The following IPO5 variants were observed in gnomAD, a reference collection of about 807,000 sequenced individuals.
The protein encoded by IPO5 is importin-5.
In IPO5, 18 loss-of-function variants were observed where a neutral mutation model predicts 143.3. The observed-to-expected ratio is 0.13, with a 90% CI of 0.09 to 0.19. The LOEUF (loss-of-function observed/expected upper bound fraction) is 0.19. Among genes scored for constraint, IPO5 ranks in the 10% least tolerant of loss-of-function variants. IPO5 has a pLI of 1.00. For synonymous variants in IPO5, 477 were observed against 465.7 expected, an observed-to-expected ratio of 1.02 and a Z score of -0.31; for missense variants, 1,013 against 1,336.9, an observed-to-expected ratio of 0.76 and a Z score of 3.78.
chr13:97,992,335 A>G (rs1887873295), intron 9 of IPO5, among the ~76,000 whole-genome samples: 1 of 152,244 alleles, frequency 6.6e-6, no homozygotes, highest in South Asian at 2.1e-4. Context: ...GATAAATAAA[A>G]TGGGTAATAT....
chr13:98,002,717 G>A lies in IPO5; in HGVS notation c.1267G>A (p.Val423Met), dbSNP rs746928273. Residue 423 changes from valine to methionine, a missense_variant, in exon 15 of 29, where the codon GTG becomes ATG. By Grantham distance (21) the Val-to-Met change is conservative (BLOSUM62 1). Coordinates refer to ENST00000651721, the MANE Select transcript of IPO5 (RefSeq NM_002271.6). ...AGTAAGGTATGCAGCCTGTAATGCCGTGGGACAGATGGCTACAGATTTTGC... is the reference window on the plus strand; with the variant it reads ...AGTAAGGTATGCAGCCTGTAATGCCATGGGACAGATGGCTACAGATTTTGC... The part of the protein sequence containing the change: ...PRVRYAACNA[V>M]GQMATDFAPG... The A allele has an allele frequency of 1.7e-5, 27 of 1,612,518 alleles. No homozygotes were observed. The highest frequency in any genetic ancestry group is 1.3e-4 in the Admixed American group (8 of 59,618).
At chr13:97,991,478 A>G (rs978156913) in intron 9 of IPO5, among the ~76,000 whole-genome samples, 4 of 152,362 alleles carry the variant, frequency 2.6e-5, no homozygotes, top group Middle Eastern at 3.4e-3. Context: ...AAAGCAAAGT[A>G]GAGGTTGAGT....
intron 2 of IPO5, among the ~76,000 whole-genome samples, chr13:97,962,575 G>C (rs536986177): frequency 6.6e-6 from 1 of 152,246 alleles, no homozygotes; most frequent in African/African-American, 2.4e-5. Flanking sequence ...CCAGCACTTT[G>C]GGGGGCCCAG....
At chr13:98,007,413 A>G (rs959909926) in intron 17 of IPO5, 4 of 152,268 alleles carry the variant, frequency 2.6e-5, no homozygotes, top group East Asian at 1.9e-4. Context: ...TTCTCAGCCA[A>G]CATCTCAGAA....
intron 2 of IPO5, among the ~76,000 whole-genome samples, chr13:97,964,773 G>A (rs532292755): frequency 7.9e-5 from 12 of 152,078 alleles, no homozygotes; most frequent in Non-Finnish European, 1.6e-4. Flanking sequence ...CTTATATAGG[G>A]ACAGTGTGGC....
rs1884266340 is a variant in IPO5, at chr13:97,953,685, A to T, written c.-224A>T. 4.2e-6 allele frequency: 1 copy of T among 236,160 alleles called. No homozygotes were observed. The highest frequency in any genetic ancestry group is 2.3e-5 in the African/African-American group (1 of 43,168). 14.6% of individuals were successfully genotyped at this position (236,160 alleles called of 1,614,324 possible). A position where few individuals can be genotyped will look rare whatever the true frequency, so the allele number is the denominator to read the frequency against. ...AACTGTGGGATTGATGACCTCCCAC[A>T]ACTGGAGCAGCCGGGAACAGCTCTG... is the stretch of plus-strand genomic sequence containing the variant. On this transcript the variant is annotated 5_prime_UTR_variant, in exon 1 of 29. Transcript: ENST00000651721.
At chr13:97,961,402 G>A (rs933796425) in intron 2 of IPO5, among the ~76,000 whole-genome samples, 4 of 152,174 alleles carry the variant, frequency 2.6e-5, no homozygotes, top group African/African-American at 9.7e-5. Context: ...CACGATCTCG[G>A]CTCAACGCAA....
chr13:97,978,257 T>C (rs913997227), intron 4 of IPO5, among the ~76,000 whole-genome samples: 1 of 152,226 alleles, frequency 6.6e-6, no homozygotes, highest in Non-Finnish European at 1.5e-5. Flanking sequence ...TTAATGGGCT[T>C]ATAATACTAT....
At position 98,003,043 on chromosome 13, in the gene IPO5, T is replaced by G. The variant is rs546990502; in HGVS notation, c.1497+6T>G. 1.9e-6 allele frequency: 3 copies of G among 1,598,196 alleles called. No homozygotes were observed. In the East Asian group the frequency reaches 6.7e-5, roughly 36 times the overall value. ...TGGTACTGAAGCTTCAAGAGGTAAG[T>G]TTTAAGATCTGTAGGCTGCTTTCTG... On this transcript the variant is annotated splice_donor_region_variant and intron_variant, in intron 16 of 28. Coordinates refer to ENST00000651721, the MANE Select transcript of IPO5 (RefSeq NM_002271.6).
rs765521755 is a variant in IPO5, at chr13:97,969,862, C to A, written c.-5+32C>A. 1.9e-5 allele frequency: 29 copies of A among 1,561,254 alleles called. No individual in the cohort carries two copies. The South Asian group carries it at 3.0e-4, about 16-fold the overall frequency. On this transcript the variant is annotated intron_variant, in intron 3 of 28. Transcript: ENST00000651721. ...GATTTCACCTGGGGAAAAGTCACTT[C>A]CTGTTTTGTTTTTTTTAAAAGAGAC...
chr13:97,991,902 G>A (rs1887833244), intron 9 of IPO5, among the ~76,000 whole-genome samples: 1 of 152,198 alleles, frequency 6.6e-6, no homozygotes, highest in Non-Finnish European at 1.5e-5. Flanking sequence ...TTGTGTCACA[G>A]GTGCAGGACA....
chr13:97,979,737 G>T (rs980230138), intron 4 of IPO5: 3 of 372,394 alleles, frequency 8.1e-6, no homozygotes, highest in Non-Finnish European at 1.1e-5. Context: ...TTGCTGTGTT[G>T]CCCAGGCTGG....
rs1889594076 is a variant in IPO5, at chr13:98,010,354, C to A, written c.2055+130C>A. On this transcript the variant is annotated intron_variant, in intron 20 of 28. Transcript: ENST00000651721. Reference sequence around the variant, plus strand: ...TATGTTCCTTAAAAAGTAAAGTTTTCTTTCCATTTTAAAGAAATCGTATGG... The same window carrying A: ...TATGTTCCTTAAAAAGTAAAGTTTTATTTCCATTTTAAAGAAATCGTATGG... 4.8e-6 allele frequency: 4 copies of A among 838,440 alleles called. No individual in the cohort carries two copies. In the African/African-American group the frequency reaches 5.2e-5, roughly 11 times the overall value. The allele number at this position is 838,440 out of a possible 1,614,324, so 51.9% of individuals were successfully genotyped here.
chr13:97,994,752 A>T (rs562407991), intron 11 of IPO5, among the ~76,000 whole-genome samples: 1 of 152,264 alleles, frequency 6.6e-6, no homozygotes, highest in East Asian at 1.9e-4. Flanking sequence ...TTGACAATGG[A>T]TCGGATGGAA....
chr13:98,001,222 A>AAT lies in IPO5; in HGVS notation c.1108+586_1108+587dup, dbSNP rs1183484635. ...ATATTTCAGTTACCTTTGTACCTGT[A>AAT]ATATATATATCAATCCCAAAGTTTA... On this transcript the variant is annotated intron_variant, in intron 13 of 28. Coordinates refer to ENST00000651721, the MANE Select transcript of IPO5 (RefSeq NM_002271.6). Among the ~76,000 whole-genome samples the AAT allele has an allele frequency of 3.9e-5, 6 of 152,288 alleles. No individual in the cohort carries two copies. The South Asian group carries it at 6.2e-4, about 16-fold the overall frequency.
At position 98,018,715 on chromosome 13, in the gene IPO5, T is replaced by C; in HGVS notation, c.2836+11T>C. The C allele has an allele frequency of 4.4e-6, 7 of 1,598,774 alleles. No homozygotes were observed. The highest frequency in any genetic ancestry group is 6.0e-6 in the Non-Finnish European group (7 of 1,166,244). ...GCCCTTTTTGTACAGGTACGTTTGCTTATTCCGTTACGTGCATTTCATTCC... is the reference window on the plus strand; with the variant it reads ...GCCCTTTTTGTACAGGTACGTTTGCCTATTCCGTTACGTGCATTTCATTCC... On this transcript the variant is annotated intron_variant, in intron 26 of 28. Coordinates refer to ENST00000651721, the MANE Select transcript of IPO5 (RefSeq NM_002271.6).
chr13:97,959,157 G>C (rs1469326472), intron 2 of IPO5, among the ~76,000 whole-genome samples: 1 of 149,418 alleles, frequency 6.7e-6, no homozygotes, highest in Non-Finnish European at 1.5e-5. Flanking sequence ...GGGTGACACA[G>C]CAAGACTGTG....
At position 98,002,559 on chromosome 13, in the gene IPO5, G is replaced by C. The variant is rs776359757; in HGVS notation, c.1201G>C (p.Val401Leu). 6.2e-7 allele frequency: 1 copy of C among 1,613,664 alleles called. No homozygotes were observed. Among genetic ancestry groups the C allele is most frequent in the South Asian group, 1.1e-5 (1 of 91,048 alleles). The change falls in exon 14 of 29, where the codon GTA (valine) becomes CTA (leucine). Residue 401 changes from valine to leucine, a missense_variant. This residue lies in a region of IPO5 where 685 missense variants were observed against 994.9 expected (regional missense o/e 0.69). Transcript: ENST00000651721. ...QQMEGILNEIVNFVLLFLQDP... is the reference protein window; with the variant it reads ...QQMEGILNEILNFVLLFLQDP... The stretch of plus-strand genomic sequence containing the variant: ...AATGGAAGGAATTCTAAATGAGATC[G>C]TAAATTTTGTTTTACTTTTTCTCCA...
rs1322238843 is a variant in IPO5, at chr13:97,990,233, T to C, written c.564+11T>C. The C allele has an allele frequency of 6.5e-7, 1 of 1,531,656 alleles. No homozygotes were observed. The highest frequency in any genetic ancestry group is 1.4e-5 in the African/African-American group (1 of 73,272). The allele number at this position is 1,531,656 out of a possible 1,614,324, so 94.9% of individuals were successfully genotyped here. ...CAGGAACACCCGTCGGTAAATAATTTCAATCCTATTAATATAACCATCTAT... is the reference window on the plus strand; with the variant it reads ...CAGGAACACCCGTCGGTAAATAATTCCAATCCTATTAATATAACCATCTAT... On this transcript the variant is annotated intron_variant, in intron 8 of 28. Coordinates refer to ENST00000651721, the MANE Select transcript of IPO5 (RefSeq NM_002271.6).
Sources: allele counts gnomAD v4.1 joint callset (sites outside exome capture counted in the v4.1 genomes callset), GRCh38; gene constraint gnomAD v4.1.1; regional missense constraint gnomAD v4.1.1; transcripts MANE v1.5; gene names NCBI Gene and HGNC (gene_info 2026-07-23, HGNC 2026-07-21).